MRPS6: variants seen among roughly 807,000 people sequenced by gnomAD.
MRPS6 encodes the protein small ribosomal subunit protein bS6m.
A neutral mutation model predicts 13.1 loss-of-function variants in MRPS6; 6 were observed. That is an observed-to-expected ratio of 0.46 (90% CI 0.25 to 0.91). The LOEUF is 0.91. Among genes scored for constraint, MRPS6 ranks in the 40% least tolerant of loss-of-function variants. MRPS6 has a pLI of 0.18. For missense variants in MRPS6, 164 were observed against 155.6 expected, an observed-to-expected ratio of 1.05 and a Z score of -0.29; for synonymous variants, 61 against 56.5, an observed-to-expected ratio of 1.08 and a Z score of -0.36.
chr21:34,112,435 A>C (rs892884698), intron 1 of MRPS6, among the ~76,000 whole-genome samples: 2 of 152,070 alleles, frequency 1.3e-5, no homozygotes, highest in African/African-American at 4.8e-5. Context: ...TCAAAAAAAC[A>C]GTTTGAGATA....
chr21:34,128,054 T>C (rs1345467776), intron 2 of MRPS6, among the ~76,000 whole-genome samples: 1 of 152,226 alleles, frequency 6.6e-6, no homozygotes. Flanking sequence ...CATTCTATCA[T>C]GGTACTGTTG....
intron 2 of MRPS6, among the ~76,000 whole-genome samples, chr21:34,139,888 T>C (rs560929471): frequency 1.3e-5 from 2 of 152,272 alleles, no homozygotes; most frequent in African/African-American, 4.8e-5. Context: ...TTGCAAAAAT[T>C]TTTTATAATA....
intron 1 of MRPS6, chr21:34,100,489 G>T: frequency 1.0e-6 from 1 of 1,000,156 alleles, no homozygotes; most frequent in Non-Finnish European, 1.2e-6. Context: ...GTGTCCTTCG[G>T]CCTAAATTCA....
Position 34,125,485 on chromosome 21 carries a change from G to A in MRPS6, c.185+5G>A. ...TCAGCAGCACAACAGAGGCGGGTAA[G>A]TTTCTTCATGAAGTCTTGAAAGACG... On this transcript the variant is annotated splice_donor_5th_base_variant and intron_variant, in intron 2 of 2. Transcript: ENST00000399312. 2 of 1,612,718 alleles carry A rather than the reference G, an allele frequency of 1.2e-6. No individual in the cohort carries two copies. Among genetic ancestry groups the A allele is most frequent in the Non-Finnish European group, 1.7e-6 (2 of 1,179,510 alleles).
intron 1 of MRPS6, among the ~76,000 whole-genome samples, chr21:34,074,698 TAAAAC>T (rs1435485757): frequency 6.6e-6 from 1 of 152,182 alleles, no homozygotes. Flanking sequence ...CCAGGTGTAA[TAAAAC>T]AAAAATCATT....
intron 1 of MRPS6, among the ~76,000 whole-genome samples, chr21:34,076,956 C>T (rs1214118548): frequency 6.6e-6 from 1 of 152,214 alleles, no homozygotes; most frequent in Admixed American, 6.5e-5. Flanking sequence ...ACCAAGGCTG[C>T]AGTCCCAGGT....
chr21:34,091,257 T>C (rs993645790), intron 1 of MRPS6, among the ~76,000 whole-genome samples: 6 of 168 alleles, frequency 0.036, no homozygotes, highest in African/African-American at 0.11. Flanking sequence ...TACTACTCTT[T>C]GCAGGCCCCG....
At chr21:34,078,432 T>C (rs1288582873) in intron 1 of MRPS6, among the ~76,000 whole-genome samples, 7 of 152,104 alleles carry the variant, frequency 4.6e-5, no homozygotes, top group Non-Finnish European at 1.0e-4. Context: ...TCACCAGATA[T>C]GGTTTGTATG....
At chr21:34,131,921 CTCATCCATTTAACCTCCTGAG>C (rs1980515488) in intron 2 of MRPS6, among the ~76,000 whole-genome samples, 2 of 152,338 alleles carry the variant, frequency 1.3e-5, no homozygotes, top group South Asian at 4.1e-4. Flanking sequence ...CCATGTGTGC[CTCATCCATTTAACCTCCTGAG>C]GTTTGTCTGT....
At chr21:34,079,901 C>A (rs143441845) in intron 1 of MRPS6, among the ~76,000 whole-genome samples, 126 of 152,206 alleles carry the variant, frequency 8.3e-4, no homozygotes, top group African/African-American at 2.9e-3. Context: ...TGTTGCCTAT[C>A]CCCAAAGTTG....
intron 1 of MRPS6, chr21:34,122,802 A>G (rs758745465): frequency 5.3e-5 from 8 of 152,072 alleles, no homozygotes; most frequent in Non-Finnish European, 8.8e-5. Context: ...AATTGATGTA[A>G]TGCCAGGTCA....
At chr21:34,114,920 T>G (rs188588910) in intron 1 of MRPS6, among the ~76,000 whole-genome samples, 5 of 152,318 alleles carry the variant, frequency 3.3e-5, no homozygotes, top group Non-Finnish European at 7.3e-5. Context: ...ATTTATTCGC[T>G]CATAGCCTTT....
intron 1 of MRPS6, among the ~76,000 whole-genome samples, chr21:34,084,673 T>C (rs557187998): frequency 3.3e-5 from 5 of 152,334 alleles, no homozygotes; most frequent in East Asian, 3.9e-4. Context: ...AACTGAAGAA[T>C]TAAAACACAG....
intron 1 of MRPS6, chr21:34,098,529 G>A: frequency 1.0e-6 from 1 of 1,000,130 alleles, no homozygotes; most frequent in Non-Finnish European, 1.2e-6. Context: ...TAGTGACTTA[G>A]AGCATAAGGA....
intron 1 of MRPS6, among the ~76,000 whole-genome samples, chr21:34,094,695 A>G (rs1978884785): frequency 6.6e-6 from 1 of 152,200 alleles, no homozygotes; most frequent in African/African-American, 2.4e-5. Flanking sequence ...ATCAGCTGTG[A>G]TCATATAGAT....
chr21:34,102,112 T>C, intron 1 of MRPS6: 1 of 1,000,166 alleles, frequency 1.0e-6, no homozygotes. Flanking sequence ...TTTTCTTCTG[T>C]CAAGGTCACT....
chr21:34,090,543 T>C (rs2898204), intron 1 of MRPS6, among the ~76,000 whole-genome samples: 152,365 of 152,368 alleles, frequency 1, 76,181 homozygotes, highest in Non-Finnish European at 1. Context: ...TTATCTAATC[T>C]TTCTATATAT....
chr21:34,111,286 T>C (rs1337560763), intron 1 of MRPS6, among the ~76,000 whole-genome samples: 3 of 152,186 alleles, frequency 2.0e-5, no homozygotes, highest in African/African-American at 4.8e-5. Context: ...CAAATACCTA[T>C]GTAACCACCA....
intron 1 of MRPS6, chr21:34,103,170 A>T (rs1979323083): frequency 7.0e-6 from 7 of 1,000,088 alleles, no homozygotes; most frequent in Non-Finnish European, 8.4e-6. Context: ...GTATTCCATA[A>T]TATAACCAGC....
Sources: allele counts gnomAD v4.1 joint callset (sites outside exome capture counted in the v4.1 genomes callset), GRCh38; gene constraint gnomAD v4.1.1; transcripts MANE v1.5; gene names NCBI Gene and HGNC (gene_info 2026-07-23, HGNC 2026-07-21).